The following RNMT variants were observed in gnomAD, a reference collection of about 807,000 sequenced individuals.
RNMT encodes the protein mRNA cap guanine-N(7) methyltransferase.
A neutral mutation model predicts 56.0 loss-of-function variants in RNMT; 27 were observed. That is an observed-to-expected ratio of 0.48 (90% confidence interval 0.36 to 0.67). The LOEUF (loss-of-function observed/expected upper bound fraction) is 0.67, where lower values mean the gene tolerates loss of function less well. Ranked by LOEUF, RNMT falls within the 30% of genes least tolerant of loss-of-function variation. The probability of loss-of-function intolerance (pLI) is 0.00; values close to 1 mark genes in which losing one functional copy is unlikely to be tolerated. For missense variants in RNMT, 519 were observed against 552.1 expected, an observed-to-expected ratio of 0.94 and a Z score of 0.60; for synonymous variants, 184 against 176.2, an observed-to-expected ratio of 1.04 and a Z score of -0.35.
chr18:13,761,756 C>T lies in RNMT; in HGVS notation c.*1777C>T. Reference sequence around the variant, plus strand: ...GTGTCAGGGAGGCTTACTGGAGCCACACCTGCAGGCGCTGTGTTCAGGCAC... The same window carrying T: ...GTGTCAGGGAGGCTTACTGGAGCCATACCTGCAGGCGCTGTGTTCAGGCAC... On this transcript the variant is annotated 3_prime_UTR_variant, in exon 12 of 12. Coordinates refer to ENST00000383314, the MANE Select transcript of RNMT (RefSeq NM_003799.3). The T allele has an allele frequency of 8.4e-7, 1 of 1,186,304 alleles. No individual in the cohort carries two copies. The highest frequency in any genetic ancestry group is 1.0e-6 in the Non-Finnish European group (1 of 952,452). The allele number at this position is 1,186,304 out of a possible 1,614,324, so 73.5% of individuals were successfully genotyped here. A position where few individuals can be genotyped will look rare whatever the true frequency, so the allele number is the denominator to read the frequency against.
chr18:13,747,175 C>G (rs1305024931), intron 9 of RNMT, among the ~76,000 whole-genome samples: 1 of 151,918 alleles, frequency 6.6e-6, no homozygotes, highest in Non-Finnish European at 1.5e-5. Flanking sequence ...ATAATTACCT[C>G]CATGAAGTAG....
chr18:13,753,621 G>A (rs2044490067), intron 10 of RNMT, among the ~76,000 whole-genome samples: 1 of 149,706 alleles, frequency 6.7e-6, no homozygotes, highest in South Asian at 2.1e-4. Flanking sequence ...AACGCAAAAA[G>A]TTAGCTAGGC....
chr18:13,758,378 C>T (rs1213022497), intron 11 of RNMT, among the ~76,000 whole-genome samples: 3 of 152,204 alleles, frequency 2.0e-5, no homozygotes, highest in Non-Finnish European at 4.4e-5. Flanking sequence ...AGTGTAGCCA[C>T]CTTCATCAAT....
At chr18:13,749,221 G>A (rs1427111086) in intron 9 of RNMT, among the ~76,000 whole-genome samples, 1 of 152,178 alleles carries the variant, frequency 6.6e-6, no homozygotes, top group Non-Finnish European at 1.5e-5. Context: ...ATAAGTTGAA[G>A]AACAAGTTTA....
chr18:13,749,074 C>G (rs924303785), intron 9 of RNMT, among the ~76,000 whole-genome samples: 1 of 152,058 alleles, frequency 6.6e-6, no homozygotes, highest in African/African-American at 2.4e-5. Flanking sequence ...ACTGAAACTC[C>G]ATCTCAAAAA....
chr18:13,759,803 A>G (rs2044597253), intron 11 of RNMT, 139 bp from the exon 12 acceptor site: 2 of 655,042 alleles, frequency 3.1e-6, no homozygotes, highest in South Asian at 3.9e-5. Context: ...TAATAGAGGA[A>G]CTCTTAGAAT....
Position 13,752,322 on chromosome 18 carries a change from C to T in RNMT, c.1258-4C>T. On this transcript the variant is annotated splice_polypyrimidine_tract_variant and splice_region_variant and intron_variant, in intron 9 of 11. Transcript: ENST00000383314. ...GTAACTAGGACTTTCATTTCTTTCC[C>T]CAGCCATATCCTGCAAATGAGAGTT... is the stretch of plus-strand genomic sequence containing the variant. The T allele has an allele frequency of 6.3e-7, 1 of 1,592,536 alleles. No homozygotes were observed. The highest frequency in any genetic ancestry group is 1.1e-5 in the South Asian group (1 of 90,154).
chr18:13,752,368 G>A lies in RNMT; in HGVS notation c.1300G>A (p.Val434Met). ...GAGTTCTAAACTTGTCTCTGAGAAG[G>A]TGGATGACTATGAACATGCAGCAAA... ...NESSKLVSEK[V>M]DDYEHAAKYM... The change falls in exon 10 of 12, where the codon GTG (valine) becomes ATG (methionine). Residue 434 changes from valine to methionine, a missense_variant. Val to Met is a conservative substitution (Grantham distance 21). Transcript: ENST00000383314. 5.6e-6 allele frequency: 9 copies of A among 1,613,468 alleles called. No homozygotes were observed. The highest frequency in any genetic ancestry group is 7.6e-6 in the Non-Finnish European group (9 of 1,179,548).
intron 3 of RNMT, among the ~76,000 whole-genome samples, chr18:13,733,119 C>T (rs186723085): frequency 1.3e-5 from 2 of 152,072 alleles, no homozygotes; most frequent in African/African-American, 2.4e-5. Flanking sequence ...ACCCCTTTTT[C>T]AACTGAAAAT....
At chr18:13,738,145 C>T (rs1453492114) in intron 5 of RNMT, among the ~76,000 whole-genome samples, 1 of 152,022 alleles carries the variant, frequency 6.6e-6, no homozygotes, top group Non-Finnish European at 1.5e-5. Flanking sequence ...TAGCAGTTCT[C>T]AGATTTTTTG....
chr18:13,748,901 A>G (rs984536355), intron 9 of RNMT, among the ~76,000 whole-genome samples: 14 of 152,078 alleles, frequency 9.2e-5, no homozygotes, highest in African/African-American at 3.4e-4. Context: ...CCAACATGGT[A>G]AAACCCCGTC....
chr18:13,760,648 G>A lies in RNMT; in HGVS notation c.*669G>A. 1 of 985,234 alleles carries A rather than the reference G, an allele frequency of 1.0e-6. No homozygotes were observed. Among genetic ancestry groups the A allele is most frequent in the Non-Finnish European group, 1.2e-6 (1 of 829,754 alleles). 61.0% of individuals were successfully genotyped at this position (985,234 alleles called of 1,614,324 possible). A position where few individuals can be genotyped will look rare whatever the true frequency, so the allele number is the denominator to read the frequency against. ...TTTCTTTTCAGAAATTGCTACCATA[G>A]TAATTAATGTTTCCAGTTATCAAGA... On this transcript the variant is annotated 3_prime_UTR_variant, in exon 12 of 12. Transcript: ENST00000383314.
chr18:13,754,242 C>T, intron 11 of RNMT, 95 bp downstream of exon 11: 1 of 745,762 alleles, frequency 1.3e-6, no homozygotes, highest in Non-Finnish European at 2.2e-6. Flanking sequence ...CACTGTGGCT[C>T]ACACCAGTAC....
chr18:13,731,218 C>G (rs560881008), intron 2 of RNMT, among the ~76,000 whole-genome samples: 1 of 152,102 alleles, frequency 6.6e-6, no homozygotes, highest in Non-Finnish European at 1.5e-5. Context: ...ACCAGCCTGC[C>G]CAACGTGGGG....
In RNMT at chr18:13,727,140, G is replaced by C. The variant is rs532493726; in HGVS notation, c.-172+411G>C. On this transcript the variant is annotated intron_variant, in intron 1 of 11. Coordinates refer to ENST00000383314, the MANE Select transcript of RNMT (RefSeq NM_003799.3). The stretch of plus-strand genomic sequence containing the variant: ...GCTGGAGAAGTCCCTTCTCGCCTCT[G>C]TGCGTCCTCTCGGGCCCCGTGGTAG... 6.6e-5 allele frequency among the ~76,000 whole-genome samples: 10 copies of C among 152,352 alleles called. No homozygotes were observed. The South Asian group carries it at 1.9e-3, about 28-fold the overall frequency.
At chr18:13,730,468 A>G (rs886573958) in intron 1 of RNMT, 159 bp from the exon 2 acceptor site, 1 of 152,236 alleles carries the variant, frequency 6.6e-6, no homozygotes, top group African/African-American at 2.4e-5. Flanking sequence ...GCCAAAAGAA[A>G]TATAACAGTT....
chr18:13,744,434 A>G (rs943537958), intron 8 of RNMT, among the ~76,000 whole-genome samples: 1 of 152,018 alleles, frequency 6.6e-6, no homozygotes, highest in Non-Finnish European at 1.5e-5. Flanking sequence ...TTTCATTTCT[A>G]AAGGGTTATT....
chr18:13,757,131 A>C (rs2044556573), intron 11 of RNMT, among the ~76,000 whole-genome samples: 1 of 151,498 alleles, frequency 6.6e-6, no homozygotes, highest in Non-Finnish European at 1.5e-5. Flanking sequence ...TACATACCTT[A>C]ATTTAAAAAT....
Position 13,741,540 on chromosome 18 carries a change from C to T in RNMT, c.823C>T (p.Gln275Ter). Residue 275 changes from glutamine (Q) to a stop codon, truncating the protein, a stop_gained, in exon 7 of 12, where the codon CAA (glutamine) becomes TAA (stop). Coordinates refer to ENST00000383314, the MANE Select transcript of RNMT (RefSeq NM_003799.3). LOFTEE classifies it high-confidence loss of function. ...TCTGATTGACAAATTTCGTGACCCA[C>T]AAATGTGTTTTGACATCTGCAGTTG... ...ELLIDKFRDPQMCFDICSCQF... is the reference protein window; with the variant it reads ...ELLIDKFRDP The T allele has an allele frequency of 6.2e-7, 1 of 1,612,878 alleles. No individual in the cohort carries two copies. Among genetic ancestry groups the T allele is most frequent in the Non-Finnish European group, 8.5e-7 (1 of 1,179,548 alleles).
Sources: allele counts gnomAD v4.1 joint callset (sites outside exome capture counted in the v4.1 genomes callset), GRCh38; gene constraint gnomAD v4.1.1; transcripts MANE v1.5; gene names NCBI Gene and HGNC (gene_info 2026-07-23, HGNC 2026-07-21).